The following RARB variants were observed in gnomAD, a reference collection of about 807,000 sequenced individuals.
The protein encoded by RARB is HBV-activated protein.
In RARB, 17 loss-of-function variants were observed where a neutral mutation model predicts 51.9. The observed-to-expected ratio is 0.33, with a 90% CI of 0.22 to 0.49. RARB has a LOEUF of 0.49. RARB is among the 20% of genes least tolerant of loss of function. RARB has a pLI of 0.99. For synonymous variants in RARB, 215 were observed against 195.4 expected (o/e 1.10, Z -0.84); for missense variants, 369 against 550.8 (o/e 0.67, Z 3.30).
chr3:24,950,725 A>G (rs73034818), intron 2 of RARB, among the ~76,000 whole-genome samples: 1 of 111,728 alleles, frequency 9.0e-6, no homozygotes, highest in African/African-American at 4.4e-5. Flanking sequence ...AAAAAAAAAA[A>G]AAGGTGATTT....
chr3:25,228,374 C>CT (rs758675037), intron 5 of RARB, among the ~76,000 whole-genome samples: 2 of 151,936 alleles, frequency 1.3e-5, no homozygotes, highest in African/African-American at 2.4e-5. Context: ...CATTGCCTCT[C>CT]TTTTTAGCAG....
chr3:25,021,130 C>G (rs1366186582), intron 2 of RARB, among the ~76,000 whole-genome samples: 1 of 152,044 alleles, frequency 6.6e-6, no homozygotes, highest in East Asian at 1.9e-4. Flanking sequence ...TGTAAAAGAT[C>G]TATGTGAAGG....
intron 4 of RARB, among the ~76,000 whole-genome samples, chr3:25,135,740 G>A (rs1295527557): frequency 1.3e-5 from 2 of 151,924 alleles, no homozygotes; most frequent in East Asian, 3.8e-4. Flanking sequence ...GGCAGTGTAT[G>A]AAACACAAAT....
chr3:25,125,254 G>C (rs1246261199), intron 3 of RARB, among the ~76,000 whole-genome samples: 11 of 152,302 alleles, frequency 7.2e-5, no homozygotes, highest in African/African-American at 2.2e-4. Flanking sequence ...GTAATCAGTG[G>C]AGCAGAGAAA....
At chr3:25,286,357 G>A (rs890742425) in intron 5 of RARB, among the ~76,000 whole-genome samples, 3 of 152,062 alleles carry the variant, frequency 2.0e-5, no homozygotes, top group African/African-American at 7.2e-5. Flanking sequence ...CAAAGTGCTG[G>A]GATTACAGGC....
At chr3:25,146,499 G>GTTTTTTTTTTTTTTTTTTT (rs1413825514) in intron 4 of RARB, among the ~76,000 whole-genome samples, 2 of 104,382 alleles carry the variant, frequency 1.9e-5, no homozygotes, top group Non-Finnish European at 4.0e-5. Flanking sequence ...TAAGTTTTTT[G>GTTTTTTTTTTTTTTTTTTT]TTTGTTTGTT....
In RARB at chr3:25,494,250, T is replaced by TACACACACACGCACGCGCGCGCGCGC. The variant is rs142658742; in HGVS notation, c.307-6930_307-6929insACACACACGCACGCGCGCGCGCGCAC. ...TTAGCCCCCTTTTCCAGCTGTATCT[T>TACACACACACGCACGCGCGCGCGCGC]ACGCACACACACACACACACACACA... On this transcript the variant is annotated intron_variant, in intron 2 of 7. Transcript: ENST00000330688. Among the ~76,000 whole-genome samples, 332 of 137,158 alleles carry TACACACACACGCACGCGCGCGCGCGC rather than the reference T, an allele frequency of 2.4e-3. 2 individuals carry two copies. The highest frequency in any genetic ancestry group is 8.1e-3 in the African/African-American group (315 of 38,734). The allele number at this position is 137,158 out of a possible 152,430, so 90.0% of individuals were successfully genotyped here.
chr3:25,359,826 T>A (rs1173171566), intron 5 of RARB, among the ~76,000 whole-genome samples: 1 of 152,232 alleles, frequency 6.6e-6, no homozygotes, highest in Admixed American at 6.5e-5. Context: ...GTGATTGTAC[T>A]GTGGTCTGAG....
At chr3:24,845,264 A>G (rs185276812) in intron 1 of RARB, among the ~76,000 whole-genome samples, 81 of 152,340 alleles carry the variant, frequency 5.3e-4, no homozygotes, top group Admixed American at 1.6e-3. Context: ...GGTATCAGAT[A>G]AATACCCAAT....
chr3:25,150,146 A>C (rs1276542657), intron 4 of RARB, among the ~76,000 whole-genome samples: 1 of 151,824 alleles, frequency 6.6e-6, no homozygotes, highest in African/African-American at 2.4e-5. Flanking sequence ...GGTTGCAGTG[A>C]GCCGAGATCG....
At chr3:25,406,838 A>G (rs558424857) in intron 5 of RARB, among the ~76,000 whole-genome samples, 1 of 152,296 alleles carries the variant, frequency 6.6e-6, no homozygotes, top group Admixed American at 6.5e-5. Flanking sequence ...CACGTATTTT[A>G]CATTGCCTCA....
At chr3:25,418,869 T>A (rs545673883) in intron 5 of RARB, among the ~76,000 whole-genome samples, 6 of 149,796 alleles carry the variant, frequency 4.0e-5, no homozygotes, top group Non-Finnish European at 5.9e-5. Context: ...TCAGTTACTA[T>A]AGGGAATGAG....
chr3:25,153,789 T>A (rs927958434), intron 4 of RARB, among the ~76,000 whole-genome samples: 1 of 152,196 alleles, frequency 6.6e-6, no homozygotes, highest in Non-Finnish European at 1.5e-5. Flanking sequence ...TGATTTTTGA[T>A]ACTGCAAGTG....
chr3:25,081,241 G>C (rs1487529171), intron 3 of RARB, among the ~76,000 whole-genome samples: 1 of 151,564 alleles, frequency 6.6e-6, no homozygotes, highest in Non-Finnish European at 1.5e-5. Context: ...TTTCACTGTT[G>C]GTTTCTAATT....
In RARB at chr3:25,221,646, T is replaced by C. The variant is rs147824432; in HGVS notation, c.178+47071T>C. On this transcript the variant is annotated intron_variant, in intron 5 of 11. Coordinates refer to the RARB transcript ENST00000383772. ...TACAACTTGTATAATATACCGTTTC[T>C]GGCAGTCTTAAAGAGAAGTCACTTC... 2.0e-5 allele frequency among the ~76,000 whole-genome samples: 3 copies of C among 151,062 alleles called. No individual in the cohort carries two copies. The East Asian group carries it at 5.8e-4, about 29-fold the overall frequency.
intron 2 of RARB, among the ~76,000 whole-genome samples, chr3:24,973,317 C>G (rs527254594): frequency 6.6e-6 from 1 of 151,922 alleles, no homozygotes; most frequent in Non-Finnish European, 1.5e-5. Flanking sequence ...ATTCTCTATT[C>G]TGTTCCACTG....
At chr3:25,314,003 G>A (rs1704353068) in intron 5 of RARB, among the ~76,000 whole-genome samples, 1 of 151,998 alleles carries the variant, frequency 6.6e-6, no homozygotes, top group Non-Finnish European at 1.5e-5. Context: ...CCCAAGAGTT[G>A]GAGGTTGCAC....
chr3:24,845,686 C>G (rs759979782), intron 1 of RARB, among the ~76,000 whole-genome samples: 58 of 152,148 alleles, frequency 3.8e-4, no homozygotes, highest in Non-Finnish European at 7.3e-4. Context: ...TTCTGTTTCT[C>G]CTGCAGCTCC....
At chr3:25,196,537 G>A (rs953861459) in intron 5 of RARB, among the ~76,000 whole-genome samples, 1 of 152,120 alleles carries the variant, frequency 6.6e-6, no homozygotes, top group Non-Finnish European at 1.5e-5. Flanking sequence ...ACATACGTGG[G>A]CATGTGTCTT....
Sources: gnomAD v4.1 joint callset for allele counts (sites outside exome capture counted in the v4.1 genomes callset) on GRCh38, gnomAD v4.1.1 for gene constraint, MANE v1.5 for transcripts, NCBI Gene and HGNC (gene_info 2026-07-23, HGNC 2026-07-21) for gene names.